Variants in BTN3A1 observed in about 807,000 individuals in gnomAD.
BTN3A1 encodes the protein dJ45P21.3 (butyrophilin, subfamily 3, member A1).
BTN3A1 carries 24 observed loss-of-function variants against 43.0 expected under a neutral mutation model. The observed-to-expected ratio is 0.56, with a 90% CI of 0.40 to 0.78. The LOEUF (loss-of-function observed/expected upper bound fraction) is 0.78, where lower values mean the gene tolerates loss of function less well. Among genes scored for constraint, BTN3A1 ranks in the 30% least tolerant of loss-of-function variants. The probability of loss-of-function intolerance (pLI) is 0.00; values close to 1 mark genes in which losing one functional copy is unlikely to be tolerated. For synonymous variants in BTN3A1, 181 were observed against 234.7 expected (o/e 0.77, Z 2.09); for missense variants, 533 against 626.2 (o/e 0.85, Z 1.59).
chr6:26,409,916 T>C lies in BTN3A1; in HGVS notation c.937+2T>C, dbSNP rs1173411871. 1 of 1,614,218 alleles carries C rather than the reference T, an allele frequency of 6.2e-7. No individual in the cohort carries two copies. Among genetic ancestry groups the C allele is most frequent in the Non-Finnish European group, 8.5e-7 (1 of 1,180,042 alleles). On this transcript the variant is annotated splice_donor_variant, in intron 6 of 9. Transcript: ENST00000289361. LOFTEE classifies it high-confidence loss of function. ...CAGTGAAGCTCCTGGAGGAACTCAG[T>C]AAGTTCCCATTCCCCCAGAGACCCA... is the stretch of plus-strand genomic sequence containing the variant.
In BTN3A1 at chr6:26,413,411, T is replaced by G; in HGVS notation, c.1261T>G (p.Trp421Gly). 1 of 1,613,944 alleles carries G rather than the reference T, an allele frequency of 6.2e-7. No individual in the cohort carries two copies. Among genetic ancestry groups the G allele is most frequent in the Non-Finnish European group, 8.5e-7 (1 of 1,179,982 alleles). Residue 421 changes from tryptophan to glycine, a missense_variant, in exon 10 of 10, where the codon TGG becomes GGG. Coordinates refer to ENST00000289361, the MANE Select transcript of BTN3A1 (RefSeq NM_007048.6). ...VCSKNVQRKG[W>G]VKMTPENGFW... is the part of the protein sequence containing the mutation. ...CAGTAAGAATGTGCAGAGAAAAGGC[T>G]GGGTCAAAATGACACCTGAGAATGG...
intron 5 of BTN3A1, 22 bp downstream of exon 5, chr6:26,409,755 T>A: frequency 6.3e-7 from 1 of 1,576,332 alleles, no homozygotes; most frequent in Non-Finnish European, 8.6e-7. Context: ...TGGGAGTTTA[T>A]CTGAGCCCCT....
chr6:26,402,466 GC>G (rs1424646634), intron 1 of BTN3A1, 54 bp downstream of exon 1: 1 of 152,536 alleles, frequency 6.6e-6, no homozygotes, highest in Non-Finnish European at 1.5e-5. Context: ...GAGGACAGGG[GC>G]TGAATCGCTG....
intron 8 of BTN3A1, 41 bp from the exon 9 acceptor site, chr6:26,411,514 G>A (rs1465693260): frequency 3.1e-6 from 5 of 1,603,580 alleles, no homozygotes; most frequent in East Asian, 2.2e-5. Context: ...AAAAGTACAA[G>A]AATACTGACC....
chr6:26,410,628 C>T (rs1202694079), intron 7 of BTN3A1, among the ~76,000 whole-genome samples: 1 of 151,896 alleles, frequency 6.6e-6, no homozygotes, highest in Non-Finnish European at 1.5e-5. Flanking sequence ...CCTGAAATTG[C>T]TCATTAAATT....
At chr6:26,412,675 G>C (rs780676118) in intron 9 of BTN3A1, 149 of 1,551,280 alleles carry the variant, frequency 9.6e-5, no homozygotes, top group Non-Finnish European at 1.2e-4. Context: ...TACAGCGCTA[G>C]AGATTCATTT....
intron 9 of BTN3A1, chr6:26,412,309 T>C: frequency 1.6e-6 from 1 of 607,382 alleles, no homozygotes; most frequent in Non-Finnish European, 3.0e-6. Context: ...CTGAGAAGAG[T>C]CTTCAGGCCT....
Position 26,413,245 on chromosome 6 carries a change from C to T in BTN3A1, c.1095C>T (p.Ala365=), listed in dbSNP as rs751144416. The change falls in exon 10 of 10, where the codon GCC becomes GCT. Residue 365 remains alanine (A), a synonymous_variant. Transcript: ENST00000289361. ...AGGACCAGAGGAGTGTGCAGCGTGC[C>T]AAGGAGCCCCAGGATCTGCCAGACA... ...VSEDQRSVQR[A]KEPQDLPDNP... is the part of the protein sequence containing the mutation. The T allele has an allele frequency of 9.9e-6, 16 of 1,614,118 alleles. No homozygotes were observed. Among genetic ancestry groups the T allele is most frequent in the Non-Finnish European group, 1.3e-5 (15 of 1,180,016 alleles).
intron 8 of BTN3A1, 75 bp from the exon 9 acceptor site, chr6:26,411,480 T>C: frequency 1.3e-6 from 2 of 1,509,406 alleles, no homozygotes; most frequent in East Asian, 2.3e-5. Context: ...AGAAAACATG[T>C]AGTGAGGGGA....
intron 9 of BTN3A1, chr6:26,412,329 A>C (rs549705049): frequency 3.0e-6 from 2 of 664,986 alleles, no homozygotes; most frequent in Non-Finnish European, 5.5e-6. Context: ...TTGTTAGAGC[A>C]GCAGCAGCTG....
chr6:26,405,754 G>T (rs1425254551), intron 2 of BTN3A1, 106 bp downstream of exon 2: 2 of 1,580,700 alleles, frequency 1.3e-6, no homozygotes, highest in African/African-American at 1.3e-5. Context: ...CGATCTGAAG[G>T]TTCACCCGTC....
intron 4 of BTN3A1, among the ~76,000 whole-genome samples, chr6:26,408,903 A>G (rs1762109958): frequency 6.6e-6 from 1 of 152,212 alleles, no homozygotes; most frequent in Non-Finnish European, 1.5e-5. Flanking sequence ...AAGAGGAAAA[A>G]CAAGAATATA....
At chr6:26,411,422 T>G in intron 8 of BTN3A1, 133 bp from the exon 9 acceptor site, 1 of 1,150,782 alleles carries the variant, frequency 8.7e-7, no homozygotes, top group Non-Finnish European at 1.3e-6. Flanking sequence ...CCATCAGAGC[T>G]GTAGAAGAGG....
intron 1 of BTN3A1, among the ~76,000 whole-genome samples, chr6:26,403,011 C>A (rs992569916): frequency 2.0e-5 from 3 of 152,146 alleles, no homozygotes; most frequent in African/African-American, 7.2e-5. Context: ...TCATTTCCCC[C>A]AAACCTAACG....
At position 26,413,271 on chromosome 6, in the gene BTN3A1, A is replaced by G; in HGVS notation, c.1121A>G (p.Asn374Ser). ...RAKEPQDLPDNPERFNWHYCV... is the reference protein window; with the variant it reads ...RAKEPQDLPDSPERFNWHYCV... ...AAGGAGCCCCAGGATCTGCCAGACA[A>G]CCCTGAGAGATTTAATTGGCATTAT... is the stretch of plus-strand genomic sequence containing the variant. Residue 374 changes from asparagine to serine, a missense_variant, in exon 10 of 10, where the codon AAC becomes AGC. Asn to Ser is a conservative substitution (Grantham distance 46). This residue lies in a region of BTN3A1 where 415 missense variants were observed against 427.0 expected (regional missense o/e 0.97). Transcript: ENST00000289361. The G allele has an allele frequency of 6.2e-7, 1 of 1,614,102 alleles. No individual in the cohort carries two copies. The highest frequency in any genetic ancestry group is 1.1e-5 in the South Asian group (1 of 91,070).
chr6:26,410,993 C>T (rs1463136999), intron 7 of BTN3A1, 116 bp from the exon 8 acceptor site: 1 of 682,988 alleles, frequency 1.5e-6, no homozygotes, highest in East Asian at 3.0e-5. Context: ...GAGGAAGATA[C>T]AGGTGGTAAA....
chr6:26,411,634 C>T (rs547099840), intron 9 of BTN3A1, 53 bp downstream of exon 9: 2 of 1,572,318 alleles, frequency 1.3e-6, no homozygotes, highest in Non-Finnish European at 1.7e-6. Flanking sequence ...GACTATATTC[C>T]TTTTTCCTTT....
At position 26,413,282 on chromosome 6, in the gene BTN3A1, T is replaced by C; in HGVS notation, c.1132T>C (p.Phe378Leu). 1 of 1,614,186 alleles carries C rather than the reference T, an allele frequency of 6.2e-7. No individual in the cohort carries two copies. ...GGATCTGCCAGACAACCCTGAGAGATTTAATTGGCATTATTGTGTTCTCGG... is the reference window on the plus strand; with the variant it reads ...GGATCTGCCAGACAACCCTGAGAGACTTAATTGGCATTATTGTGTTCTCGG... ...PQDLPDNPER[F>L]NWHYCVLGCE... Residue 378 changes from phenylalanine to leucine, a missense_variant, in exon 10 of 10, where the codon TTT (phenylalanine) becomes CTT (leucine). This residue lies in a region of BTN3A1 where 415 missense variants were observed against 427.0 expected (regional missense o/e 0.97). Transcript: ENST00000289361.
chr6:26,408,237 G>A (rs1433930162), intron 4 of BTN3A1, among the ~76,000 whole-genome samples: 1 of 150,930 alleles, frequency 6.6e-6, no homozygotes, highest in Non-Finnish European at 1.5e-5. Flanking sequence ...ATGACAAAAG[G>A]GGAAAGCATA....
Sources: gnomAD v4.1 joint callset for allele counts (sites outside exome capture counted in the v4.1 genomes callset) on GRCh38, gnomAD v4.1.1 for gene constraint, gnomAD v4.1.1 regional missense constraint, MANE v1.5 for transcripts, NCBI Gene and HGNC (gene_info 2026-07-23, HGNC 2026-07-21) for gene names.